Variants in RGS6 observed in about 807,000 individuals in gnomAD.
RGS6 encodes the protein regulator of G-protein signaling 6.
Under a neutral mutation model 78.5 loss-of-function variants are expected in RGS6, and 30 were observed. That is an observed-to-expected ratio of 0.38 (90% CI 0.29 to 0.52). The LOEUF (loss-of-function observed/expected upper bound fraction) is 0.52. Among genes scored for constraint, RGS6 ranks in the 20% least tolerant of loss-of-function variants. The pLI is 0.85. For synonymous variants in RGS6, 206 were observed against 206.0 expected, an observed-to-expected ratio of 1.00 and a Z score of 0.00; for missense variants, 495 against 609.7, an observed-to-expected ratio of 0.81 and a Z score of 1.98.
At chr14:72,470,927 T>G (rs2153310985) in intron 8 of RGS6, among the ~76,000 whole-genome samples, 1 of 150,520 alleles carries the variant, frequency 6.6e-6, no homozygotes, top group South Asian at 2.1e-4. Context: ...ACTGGATATG[T>G]GGCCCCAGGT....
chr14:71,903,142 G>T, the RGS6 span, among the ~76,000 whole-genome samples: 1 of 152,196 alleles, frequency 6.6e-6, no homozygotes, highest in African/African-American at 2.4e-5. Context: ...CTGTCTGTGG[G>T]GAGTAAAGGC....
chr14:71,926,482 G>A, the RGS6 span, among the ~76,000 whole-genome samples: 1 of 151,706 alleles, frequency 6.6e-6, no homozygotes, highest in Non-Finnish European at 1.5e-5. Flanking sequence ...TGCTTGGGAG[G>A]CTGAGGCAGG....
chr14:72,528,786 G>T (rs985962628), intron 15 of RGS6, among the ~76,000 whole-genome samples: 2 of 152,184 alleles, frequency 1.3e-5, no homozygotes, highest in Non-Finnish European at 2.9e-5. Flanking sequence ...CTCTCAGCAG[G>T]GGCTTGGCTT....
chr14:72,106,343 G>A (rs1336703779), intron 2 of RGS6, among the ~76,000 whole-genome samples: 1 of 152,160 alleles, frequency 6.6e-6, no homozygotes, highest in African/African-American at 2.4e-5. Flanking sequence ...GCAAATGTTT[G>A]CACTCCAGTG....
chr14:72,537,589 G>C (rs974270084), intron 16 of RGS6: 1 of 702,188 alleles, frequency 1.4e-6, no homozygotes, highest in African/African-American at 1.7e-5. Flanking sequence ...TGCCAATGGA[G>C]GGGCTCCTTT....
chr14:72,396,676 A>T (rs2091353727), intron 3 of RGS6, among the ~76,000 whole-genome samples: 3 of 152,154 alleles, frequency 2.0e-5, no homozygotes, highest in African/African-American at 7.2e-5. Context: ...TTATGGTTTT[A>T]GGTCTAACAT....
chr14:72,112,455 C>G (rs1337596258), intron 2 of RGS6, among the ~76,000 whole-genome samples: 1 of 152,158 alleles, frequency 6.6e-6, no homozygotes, highest in African/African-American at 2.4e-5. Flanking sequence ...GATTCTAAGC[C>G]TCATTCATCA....
At chr14:71,923,743 A>G in the RGS6 span, among the ~76,000 whole-genome samples, 1 of 152,170 alleles carries the variant, frequency 6.6e-6, no homozygotes, top group Admixed American at 6.5e-5. Context: ...AAGCGAAACC[A>G]TAGCAACAGA....
chr14:71,942,769 T>C (rs957152603), intron 1 of RGS6, among the ~76,000 whole-genome samples: 1 of 152,174 alleles, frequency 6.6e-6, no homozygotes, highest in Non-Finnish European at 1.5e-5. Context: ...TCCTTCTACT[T>C]AGGTGTTAGT....
At chr14:72,547,371 A>AGGGGGGGGG in intron 17 of RGS6, 1 of 1,511,758 alleles carries the variant, frequency 6.6e-7, no homozygotes, top group Non-Finnish European at 8.8e-7. Flanking sequence ...CTAAGAAGTA[A>AGGGGGGGGG]GACCCCCCCC....
chr14:72,421,302 G>A (rs2094167211), intron 3 of RGS6: 1 of 152,284 alleles, frequency 6.6e-6, no homozygotes, highest in South Asian at 2.1e-4. Context: ...TGGCGCCACG[G>A]GCTGGGAGTC....
chr14:72,510,718 T>C (rs11629448), intron 14 of RGS6, among the ~76,000 whole-genome samples: 24,286 of 152,114 alleles, frequency 0.16, 2,031 homozygotes, highest in African/African-American at 0.21. Flanking sequence ...TTTCAGAATT[T>C]CAAAGAGCAA....
intron 2 of RGS6, among the ~76,000 whole-genome samples, chr14:72,211,241 G>A (rs1174690028): frequency 6.6e-6 from 1 of 152,200 alleles, no homozygotes; most frequent in Non-Finnish European, 1.5e-5. Flanking sequence ...AGAAGCCAAG[G>A]AAAGTGTTTT....
rs117445740 is a variant in RGS6, at chr14:72,305,993, C to T, written c.85-46102C>T. Among the ~76,000 whole-genome samples the T allele has an allele frequency of 1.4e-3, 209 of 152,300 alleles. 1 individual carries two copies. Among genetic ancestry groups the T allele is most frequent in the Non-Finnish European group, 2.3e-3 (157 of 68,020 alleles). The stretch of plus-strand genomic sequence containing the variant: ...TGATAAGAAAGCAAAACAGCCTTAT[C>T]GCTGATATGGAGAAAATTTTAAAAG... On this transcript the variant is annotated intron_variant, in intron 2 of 17. Transcript: ENST00000553525.
rs372267817 is a variant in RGS6 at position 72,445,230 on chromosome 14, C to T, written c.185-9298C>T. Among the ~76,000 whole-genome samples the T allele has an allele frequency of 3.6e-4, 55 of 152,346 alleles. 1 individual carries two copies. The South Asian group carries it at 0.011, about 30-fold the overall frequency. On this transcript the variant is annotated intron_variant, in intron 3 of 17. Coordinates refer to ENST00000553525, the MANE Select transcript of RGS6 (RefSeq NM_001204424.2). ...TTTTTGAGACGGAGTCTCATGCTGTCGCCCAGGCTGGAGTGTAGTGGTGCA... is the reference window on the plus strand; with the variant it reads ...TTTTTGAGACGGAGTCTCATGCTGTTGCCCAGGCTGGAGTGTAGTGGTGCA...
At chr14:72,014,730 C>T (rs1283682657) in intron 2 of RGS6, among the ~76,000 whole-genome samples, 5 of 152,174 alleles carry the variant, frequency 3.3e-5, no homozygotes, top group African/African-American at 9.7e-5. Flanking sequence ...CAGATGTTAA[C>T]GTGCTGTGTT....
At chr14:71,876,609 TG>T in the RGS6 span, among the ~76,000 whole-genome samples, 9 of 151,472 alleles carry the variant, frequency 5.9e-5, no homozygotes, top group African/African-American at 2.2e-4. Flanking sequence ...AGCACACTGA[TG>T]GGTCTTGACT....
At chr14:71,892,267 T>C in the RGS6 span, among the ~76,000 whole-genome samples, 2 of 152,282 alleles carry the variant, frequency 1.3e-5, no homozygotes, top group East Asian at 3.9e-4. Context: ...GCCTGAGAAA[T>C]TGTATTTTGT....
intron 17 of RGS6, chr14:72,541,178 G>A (rs778812785): frequency 3.6e-6 from 5 of 1,387,382 alleles, no homozygotes; most frequent in Non-Finnish European, 4.8e-6. Context: ...ATATTGACTT[G>A]CCTTTGTTCC....
Sources: allele counts gnomAD v4.1 joint callset (sites outside exome capture counted in the v4.1 genomes callset), GRCh38; gene constraint gnomAD v4.1.1; transcripts MANE v1.5; gene names NCBI Gene and HGNC (gene_info 2026-07-23, HGNC 2026-07-21).